LARGE1: variants seen among roughly 807,000 people sequenced by gnomAD.
The protein encoded by LARGE1 is xylosyl- and glucuronyltransferase LARGE1.
LARGE1 carries 43 observed loss-of-function variants against 87.6 expected under a neutral mutation model. The observed-to-expected ratio is 0.49, with a 90% CI of 0.38 to 0.63. The LOEUF is 0.63. Among genes scored for constraint, LARGE1 ranks in the 30% least tolerant of loss-of-function variants. LARGE1 has a pLI of 0.00. For synonymous variants in LARGE1, 434 were observed against 394.6 expected, an observed-to-expected ratio of 1.10 and a Z score of -1.18; for missense variants, 802 against 1,000.2, an observed-to-expected ratio of 0.80 and a Z score of 2.67.
chr22:33,630,124 G>A (rs2080059209), intron 3 of LARGE1, among the ~76,000 whole-genome samples: 1 of 152,084 alleles, frequency 6.6e-6, no homozygotes, highest in Non-Finnish European at 1.5e-5. Context: ...GCTTGAACCT[G>A]GGAGGCAGAG....
intron 10 of LARGE1, among the ~76,000 whole-genome samples, chr22:33,318,521 T>G (rs1474995990): frequency 2.0e-5 from 3 of 152,136 alleles, no homozygotes; most frequent in South Asian, 2.1e-4. Context: ...TGTTGGACAT[T>G]TGGCTTGGTT....
chr22:33,756,976 A>T (rs2084537655), intron 2 of LARGE1, among the ~76,000 whole-genome samples: 1 of 152,168 alleles, frequency 6.6e-6, no homozygotes, highest in African/African-American at 2.4e-5. Context: ...TAGAGCTGGG[A>T]ATGCTGACTG....
chr22:33,229,542 G>A (rs1032928816), intron 11 of LARGE1, among the ~76,000 whole-genome samples: 6 of 151,982 alleles, frequency 3.9e-5, no homozygotes, highest in South Asian at 2.1e-4. Context: ...AGATACAGCC[G>A]AAAAGAGACT....
chr22:33,307,250 C>T (rs1012012491), intron 11 of LARGE1, among the ~76,000 whole-genome samples: 11 of 152,174 alleles, frequency 7.2e-5, no homozygotes, highest in Admixed American at 4.6e-4. Flanking sequence ...ATTGTCACCA[C>T]CCTCTTACAG....
the LARGE1 span, among the ~76,000 whole-genome samples, chr22:33,150,256 C>A: frequency 2.0e-5 from 3 of 152,136 alleles, no homozygotes; most frequent in Non-Finnish European, 4.4e-5. Flanking sequence ...AGTTATATTT[C>A]TTCCCTGCTA....
intron 9 of LARGE1, among the ~76,000 whole-genome samples, chr22:33,343,254 G>A (rs1035717067): frequency 2.6e-5 from 4 of 152,004 alleles, no homozygotes; most frequent in African/African-American, 9.7e-5. Context: ...GAGTGGCTGG[G>A]ACTACAGGCA....
intron 6 of LARGE1, among the ~76,000 whole-genome samples, chr22:33,489,301 T>C (rs5754574): frequency 0.28 from 41,979 of 152,146 alleles, 6,730 homozygotes; most frequent in African/African-American, 0.44. Flanking sequence ...TATATTTAGA[T>C]GTTACCTTCC....
chr22:33,914,673 G>A (rs1386224666), intron 1 of LARGE1, among the ~76,000 whole-genome samples: 2 of 152,162 alleles, frequency 1.3e-5, no homozygotes, highest in African/African-American at 4.8e-5. Context: ...TCAAGGAAGA[G>A]TGCACCTATG....
At chr22:33,482,234 G>T (rs1479736478) in intron 6 of LARGE1, among the ~76,000 whole-genome samples, 1 of 152,166 alleles carries the variant, frequency 6.6e-6, no homozygotes, top group Non-Finnish European at 1.5e-5. Flanking sequence ...AAACCTCTCG[G>T]AGACTCTATC....
chr22:33,390,717 T>A (rs1364366562), intron 7 of LARGE1, among the ~76,000 whole-genome samples: 1 of 145,594 alleles, frequency 6.9e-6, no homozygotes, highest in African/African-American at 2.5e-5. Flanking sequence ...TGAGACAGAG[T>A]CTTACTCTGC....
intron 2 of LARGE1, among the ~76,000 whole-genome samples, chr22:33,706,968 T>G (rs545134064): frequency 6.6e-6 from 1 of 152,138 alleles, no homozygotes; most frequent in African/African-American, 2.4e-5. Flanking sequence ...AAGTGTATGG[T>G]GATTTGATAT....
intron 6 of LARGE1, among the ~76,000 whole-genome samples, chr22:33,444,563 T>C (rs1306343658): frequency 6.6e-6 from 1 of 152,148 alleles, no homozygotes. Context: ...GCCTGATCCT[T>C]GGGCAGATTA....
chr22:33,266,317 G>A (rs918393732), intron 11 of LARGE1, among the ~76,000 whole-genome samples: 1 of 147,290 alleles, frequency 6.8e-6, no homozygotes. Flanking sequence ...CACCTCCTCG[G>A]TTCAAGCGAT....
chr22:33,253,885 C>T (rs57947766), intron 11 of LARGE1, among the ~76,000 whole-genome samples: 8,932 of 148,242 alleles, frequency 0.06, 873 homozygotes, highest in African/African-American at 0.21. Context: ...AGCTCCTTCC[C>T]AATTTTCATT....
intron 2 of LARGE1, among the ~76,000 whole-genome samples, chr22:33,731,875 G>A (rs552612007): frequency 5.3e-5 from 8 of 151,924 alleles, no homozygotes; most frequent in African/African-American, 1.7e-4. Context: ...CTATAAAGTC[G>A]TTTTAAAAAC....
At chr22:33,127,607 T>C in the LARGE1 span, among the ~76,000 whole-genome samples, 1 of 152,206 alleles carries the variant, frequency 6.6e-6, no homozygotes, top group Non-Finnish European at 1.5e-5. Flanking sequence ...TTCCACATCA[T>C]TCCTGTCCCT....
At chr22:33,471,463 A>G (rs1236998580) in intron 6 of LARGE1, among the ~76,000 whole-genome samples, 2 of 152,190 alleles carry the variant, frequency 1.3e-5, no homozygotes, top group African/African-American at 2.4e-5. Context: ...TGTGCAAAGC[A>G]TCTGCTCAAT....
the LARGE1 span, among the ~76,000 whole-genome samples, chr22:33,086,315 G>A: frequency 6.6e-6 from 1 of 151,958 alleles, no homozygotes; most frequent in Non-Finnish European, 1.5e-5. Flanking sequence ...ACTTTGCTAC[G>A]AGTTCCATAT....
At chr22:33,367,313 G>A (rs541017555) in intron 9 of LARGE1, among the ~76,000 whole-genome samples, 3 of 152,012 alleles carry the variant, frequency 2.0e-5, no homozygotes, top group Admixed American at 6.6e-5. Flanking sequence ...GATGAGTCTC[G>A]CCATAGGTTT....
Sources: allele counts gnomAD v4.1 joint callset (sites outside exome capture counted in the v4.1 genomes callset), GRCh38; gene constraint gnomAD v4.1.1; transcripts MANE v1.5; gene names NCBI Gene and HGNC (gene_info 2026-07-23, HGNC 2026-07-21).